HLA-DQA2: variants seen among roughly 807,000 people sequenced by gnomAD.
The protein encoded by HLA-DQA2 is HLA class II histocompatibility antigen, DQ alpha 2 chain.
In HLA-DQA2, 17 loss-of-function variants were observed where a neutral mutation model predicts 21.0. That is an observed-to-expected ratio of 0.81 (90% confidence interval 0.56 to 1.22). HLA-DQA2 has a LOEUF of 1.22. Ranked by LOEUF, HLA-DQA2 falls within the 50% of genes most tolerant of loss-of-function variation. HLA-DQA2 has a pLI of 0.00. For missense variants in HLA-DQA2, 239 were observed against 308.8 expected (o/e 0.77, Z 1.69); for synonymous variants, 81 against 116.5 (o/e 0.70, Z 1.96).
At chr6:32,746,189 A>G (rs776981099) in intron 3 of HLA-DQA2, 51 bp from the exon 4 acceptor site, 12 of 1,586,904 alleles carry the variant, frequency 7.6e-6, no homozygotes, top group South Asian at 1.1e-5. Context: ...TCCCACACAC[A>G]TGCACATGAG....
chr6:32,742,688 T>C (rs1438784511), intron 1 of HLA-DQA2, among the ~76,000 whole-genome samples: 1 of 151,864 alleles, frequency 6.6e-6, no homozygotes, highest in Admixed American at 6.6e-5. Flanking sequence ...TTGGCTTTTT[T>C]GTTTCAAATT....
At chr6:32,744,063 A>G (rs1370283346) in intron 1 of HLA-DQA2, among the ~76,000 whole-genome samples, 2 of 152,146 alleles carry the variant, frequency 1.3e-5, no homozygotes, top group Admixed American at 1.3e-4. Context: ...AAGGCTGTCG[A>G]TATCCTCCTC....
In HLA-DQA2 at chr6:32,745,291, C is replaced by T. The variant is rs1438792480; in HGVS notation, c.215C>T (p.Pro72Leu). The T allele has an allele frequency of 7.4e-6, 12 of 1,612,420 alleles. No homozygotes were observed. Among genetic ancestry groups the T allele is most frequent in the Non-Finnish European group, 9.3e-6 (11 of 1,179,554 alleles). ...ACGAAAGAGACTGTCTGGCAGTTGCCTATGTTTAGCAAATTTATAAGTTTT... is the reference window on the plus strand; with the variant it reads ...ACGAAAGAGACTGTCTGGCAGTTGCTTATGTTTAGCAAATTTATAAGTTTT... ...LETKETVWQL[P>L]MFSKFISFDP... is the part of the protein sequence containing the mutation. The change falls in exon 2 of 5, where the codon CCT becomes CTT. Residue 72 changes from proline to leucine, a missense_variant. Coordinates refer to ENST00000374940, the MANE Select transcript of HLA-DQA2 (RefSeq NM_020056.5).
intron 1 of HLA-DQA2, among the ~76,000 whole-genome samples, chr6:32,741,766 T>C (rs79017203): frequency 0.058 from 8,790 of 151,928 alleles, 707 homozygotes; most frequent in African/African-American, 0.18. Context: ...CCAGAGACTA[T>C]AGCCTGGAGG....
rs1169056596 is a variant in HLA-DQA2 at position 32,745,208 on chromosome 6, C to T, written c.132C>T (p.Pro44=). The T allele has an allele frequency of 4.3e-6, 7 of 1,613,984 alleles. No homozygotes were observed. The highest frequency in any genetic ancestry group is 5.1e-6 in the Non-Finnish European group (6 of 1,179,966). ...TGAACTTCTACCAGTCTCACGGTCC[C>T]TCTGGCCAGTACACCCATGAATTTG... ...YGVNFYQSHG[P]SGQYTHEFDG... is the part of the protein sequence containing the mutation. Residue 44 remains proline, a synonymous_variant, in exon 2 of 5, where the codon CCC becomes CCT. Coordinates refer to ENST00000374940, the MANE Select transcript of HLA-DQA2 (RefSeq NM_020056.5).
chr6:32,742,669 C>G (rs1763289300), intron 1 of HLA-DQA2, among the ~76,000 whole-genome samples: 1 of 152,166 alleles, frequency 6.6e-6, no homozygotes, highest in African/African-American at 2.4e-5. Flanking sequence ...ACCTGCTTCT[C>G]CAGAGCACTT....
At position 32,744,188 on chromosome 6, in the gene HLA-DQA2, A is replaced by G. The variant is rs558762403; in HGVS notation, c.83-971A>G. On this transcript the variant is annotated intron_variant, in intron 1 of 4. Coordinates refer to ENST00000374940, the MANE Select transcript of HLA-DQA2 (RefSeq NM_020056.5). ...CCCCTGCTCTGTCTGACACTTTTGG[A>G]TGCTCAGTAAATGAGGAAGGAAGGA... is the stretch of plus-strand genomic sequence containing the variant. Among the ~76,000 whole-genome samples the G allele has an allele frequency of 1.8e-4, 28 of 152,292 alleles. 2 individuals are homozygous for G. The South Asian group carries it at 5.0e-3, about 27-fold the overall frequency.
Position 32,746,421 on chromosome 6 carries a change from T to C in HLA-DQA2, c.*20+7T>C, listed in dbSNP as rs1247675932. 5 of 1,612,944 alleles carry C rather than the reference T, an allele frequency of 3.1e-6. No individual in the cohort carries two copies. Among genetic ancestry groups the C allele is most frequent in the Non-Finnish European group, 4.2e-6 (5 of 1,180,000 alleles). ...TCCCATCCTGAAAAGGAAGGTAAGA[T>C]TGAGATTTGTTGGAGCTGAAACCTC... On this transcript the variant is annotated splice_region_variant and intron_variant, in intron 4 of 4. Transcript: ENST00000374940.
chr6:32,747,183 C>CAAAAAAAAAAAAAAAAAA (rs3040582), exon 5 of HLA-DQA2: 37 of 126,054 alleles, frequency 2.9e-4, no homozygotes, highest in African/African-American at 7.2e-4. Context: ...AGCAGAAATA[C>CAAAAAAAAAAAAAAAAAA]AAAAAAAAAA....
intron 1 of HLA-DQA2, among the ~76,000 whole-genome samples, chr6:32,743,911 C>G (rs1763385583): frequency 6.6e-6 from 1 of 152,062 alleles, no homozygotes; most frequent in African/African-American, 2.4e-5. Flanking sequence ...TAAGTAGAAA[C>G]CTCAAGGATG....
chr6:32,747,011 A>G lies in HLA-DQA2; in HGVS notation c.*450A>G. On this transcript the variant is annotated 3_prime_UTR_variant, in exon 5 of 5. Coordinates refer to ENST00000374940, the MANE Select transcript of HLA-DQA2 (RefSeq NM_020056.5). ...ATTCCCCAGATCATATTTCAAGTCC[A>G]GTAACACAGGAGCAACCAAGTACAG... 3 of 263,520 alleles carry G rather than the reference A, an allele frequency of 1.1e-5. No homozygotes were observed. The highest frequency in any genetic ancestry group is 2.2e-5 in the Non-Finnish European group (3 of 134,930). The allele number at this position is 263,520 out of a possible 1,614,324, so 16.3% of individuals were successfully genotyped here.
Position 32,745,364 on chromosome 6 carries a change from G to C in HLA-DQA2, c.288G>C (p.Leu96Phe). The change falls in exon 2 of 5, where the codon TTG becomes TTC. Residue 96 changes from leucine (L) to phenylalanine (F), a missense_variant. Physicochemically the swap from Leu to Phe is conservative, Grantham distance 22 (BLOSUM62 0). Transcript: ENST00000374940. ...ATATGGCTGTGGGAAAACACACCTT[G>C]GAATTCATGATGAGACAGTCCAACT... ...LRNMAVGKHT[L>F]EFMMRQSNST... 1 of 1,598,632 alleles carries C rather than the reference G, an allele frequency of 6.3e-7. No individual in the cohort carries two copies. Among genetic ancestry groups the C allele is most frequent in the South Asian group, 1.1e-5 (1 of 89,644 alleles).
At position 32,745,341 on chromosome 6, in the gene HLA-DQA2, A is replaced by G. The variant is rs1224673535; in HGVS notation, c.265A>G (p.Met89Val). 1.0e-5 allele frequency: 16 copies of G among 1,582,650 alleles called. No individual in the cohort carries two copies. Among genetic ancestry groups the G allele is most frequent in the Non-Finnish European group, 1.4e-5 (16 of 1,162,614 alleles). The part of the protein sequence containing the change: ...SFDPQSALRN[M>V]AVGKHTLEFM... ...TGACCCGCAGAGTGCACTGAGAAATATGGCTGTGGGAAAACACACCTTGGA... is the reference window on the plus strand; with the variant it reads ...TGACCCGCAGAGTGCACTGAGAAATGTGGCTGTGGGAAAACACACCTTGGA... The change falls in exon 2 of 5, where the codon ATG becomes GTG. Residue 89 changes from methionine (M) to valine (V), a missense_variant. Met to Val is a conservative substitution (Grantham distance 21, BLOSUM62 1). Transcript: ENST00000374940.
rs573109172 is a variant in HLA-DQA2, at chr6:32,742,219, A to G, written c.82+694A>G. Among the ~76,000 whole-genome samples the G allele has an allele frequency of 4.8e-4, 73 of 152,346 alleles. No homozygotes were observed. In the South Asian group the frequency reaches 0.011, roughly 24 times the overall value. On this transcript the variant is annotated intron_variant, in intron 1 of 4. Coordinates refer to ENST00000374940, the MANE Select transcript of HLA-DQA2 (RefSeq NM_020056.5). ...CAACTTTTTTTAACTTATTCCTATT[A>G]CAGGTATAACTTCGTATTTTTTCTT...
chr6:32,746,493 G>A (rs1763609024), intron 4 of HLA-DQA2, 79 bp downstream of exon 4: 2 of 1,542,942 alleles, frequency 1.3e-6, no homozygotes, highest in Non-Finnish European at 1.8e-6. Context: ...CATGAATGTG[G>A]TTGAAAGTTG....
At chr6:32,745,096 T>A (rs1763468887) in intron 1 of HLA-DQA2, 63 bp from the exon 2 acceptor site, 2 of 1,555,338 alleles carry the variant, frequency 1.3e-6, no homozygotes, top group East Asian at 2.2e-5. Flanking sequence ...CTTCAATCAC[T>A]TTCTGTATTA....
rs200904145 is a variant in HLA-DQA2 at position 32,746,348 on chromosome 6, A to G, written c.722A>G (p.Gln241Arg). 3.8e-3 allele frequency: 5,564 copies of G among 1,470,574 alleles called. No individual in the cohort carries two copies. Among genetic ancestry groups the G allele is most frequent in the Admixed American group, 0.017 (843 of 49,946 alleles). The allele number at this position is 1,470,574 out of a possible 1,614,324, so 91.1% of individuals were successfully genotyped here. ...GIVVGTVFII[Q>R]GLRSVGASRH... is the part of the protein sequence containing the mutation. ...GTGGTGGGCACTGTCTTCATCATCC[A>G]AGGCCTGCGTTCAGTTGGTGCTTCC... The change falls in exon 4 of 5, where the codon CAA becomes CGA. Residue 241 changes from glutamine to arginine, a missense_variant. Transcript: ENST00000374940.
rs1186817799 is a variant in HLA-DQA2, at chr6:32,745,235, T to C, written c.159T>C (p.Asp53=). The stretch of plus-strand genomic sequence containing the variant: ...CTGGCCAGTACACCCATGAATTTGA[T>C]GGAGACGAGGAGTTCTATGTGGACC... ...GPSGQYTHEF[D]GDEEFYVDLE... The change falls in exon 2 of 5, where the codon GAT becomes GAC. Residue 53 remains aspartate, a synonymous_variant. Coordinates refer to ENST00000374940, the MANE Select transcript of HLA-DQA2 (RefSeq NM_020056.5). 2.5e-6 allele frequency: 4 copies of C among 1,614,080 alleles called. No individual in the cohort carries two copies. The highest frequency in any genetic ancestry group is 2.2e-5 in the South Asian group (2 of 91,078).
chr6:32,743,168 A>T (rs1763335911), intron 1 of HLA-DQA2, among the ~76,000 whole-genome samples: 1 of 152,072 alleles, frequency 6.6e-6, no homozygotes, highest in South Asian at 2.1e-4. Flanking sequence ...CCCGGCCTTA[A>T]CTTTTAATGT....
Sources: gnomAD v4.1 joint callset for allele counts (sites outside exome capture counted in the v4.1 genomes callset) on GRCh38, gnomAD v4.1.1 for gene constraint, MANE v1.5 for transcripts, NCBI Gene and HGNC (gene_info 2026-07-23, HGNC 2026-07-21) for gene names.